FAM76A: variants seen among roughly 807,000 people sequenced by gnomAD.
FAM76A encodes the protein family with sequence similarity 76 member A, also known as protein FAM76A.
Under a neutral mutation model 46.2 loss-of-function variants are expected in FAM76A, and 32 were observed. That is an observed-to-expected ratio of 0.69 (90% CI 0.52 to 0.93). The LOEUF (loss-of-function observed/expected upper bound fraction) is 0.93, where lower values mean the gene tolerates loss of function less well. Ranked by LOEUF, FAM76A falls within the 40% of genes least tolerant of loss-of-function variation. The pLI is 0.00. For synonymous variants in FAM76A, 137 were observed against 127.0 expected (o/e 1.08, Z -0.53); for missense variants, 274 against 361.5 (o/e 0.76, Z 1.96).
intron 6 of FAM76A, among the ~76,000 whole-genome samples, chr1:27,750,350 G>A (rs1305234564): frequency 6.6e-6 from 1 of 152,118 alleles, no homozygotes; most frequent in African/African-American, 2.4e-5. Context: ...GCTTAATTTA[G>A]GTAGTCAGAT....
At chr1:27,739,102 G>A (rs2088106854) in intron 4 of FAM76A, 1 of 334,302 alleles carries the variant, frequency 3.0e-6, no homozygotes, top group Non-Finnish European at 5.8e-6. Context: ...ACAAGGAGGT[G>A]TGTGTGAAGC....
rs757174984 is a variant in FAM76A at position 27,755,285 on chromosome 1, G to A, written c.690G>A (p.Lys230=). Residue 230 remains lysine, a synonymous_variant, in exon 7 of 9, where the codon AAG becomes AAA. Transcript: ENST00000373954. ...AGGAAGAAGTGGCTACCCTGAAGAA[G>A]ATGTTGCATCAAAAGGATCAAATGA... ...QLKEEVATLK[K]MLHQKDQMIL... 2 of 1,614,060 alleles carry A rather than the reference G, an allele frequency of 1.2e-6. No homozygotes were observed. Among genetic ancestry groups the A allele is most frequent in the East Asian group, 4.5e-5 (2 of 44,902 alleles).
At chr1:27,726,943 G>T (rs571391360) in intron 1 of FAM76A, among the ~76,000 whole-genome samples, 4 of 152,298 alleles carry the variant, frequency 2.6e-5, no homozygotes, top group African/African-American at 9.6e-5. Flanking sequence ...CAATAATCCA[G>T]TTTGTGTCTC....
At chr1:27,741,067 G>A (rs2088143323) in intron 4 of FAM76A, among the ~76,000 whole-genome samples, 1 of 151,616 alleles carries the variant, frequency 6.6e-6, no homozygotes, top group Admixed American at 6.6e-5. Flanking sequence ...GGGAGGCGGA[G>A]GTTGCAGTGA....
chr1:27,726,886 C>T (rs1260924275), intron 1 of FAM76A, among the ~76,000 whole-genome samples: 2 of 152,098 alleles, frequency 1.3e-5, no homozygotes, highest in Admixed American at 6.6e-5. Flanking sequence ...TGTGAGGCAA[C>T]AGTTAAAAAG....
At chr1:27,730,886 G>A (rs1355846930) in intron 2 of FAM76A, among the ~76,000 whole-genome samples, 2 of 151,740 alleles carry the variant, frequency 1.3e-5, no homozygotes, top group East Asian at 3.9e-4. Flanking sequence ...CACAATTGTA[G>A]CCCACTGAAA....
chr1:27,742,780 G>GC (rs1293899729), intron 4 of FAM76A, among the ~76,000 whole-genome samples: 2 of 152,176 alleles, frequency 1.3e-5, no homozygotes, highest in Non-Finnish European at 2.9e-5. Context: ...ACACAACTGG[G>GC]CGAGGTGCAG....
chr1:27,737,878 A>C (rs1327735229), intron 4 of FAM76A, among the ~76,000 whole-genome samples: 18 of 147,044 alleles, frequency 1.2e-4, no homozygotes, highest in African/African-American at 3.0e-4. Context: ...CAAAAAAAAA[A>C]AAAAAAAAAA....
At chr1:27,746,650 C>T (rs2088245413) in intron 5 of FAM76A, among the ~76,000 whole-genome samples, 3 of 152,212 alleles carry the variant, frequency 2.0e-5, no homozygotes, top group Middle Eastern at 3.4e-3. Context: ...TCGCTTGAAC[C>T]CAGGAGGCGG....
intron 7 of FAM76A, among the ~76,000 whole-genome samples, chr1:27,758,329 C>A (rs145435774): frequency 3.2e-3 from 491 of 152,194 alleles, no homozygotes; most frequent in African/African-American, 0.01. Flanking sequence ...GGTGGAAATT[C>A]ATGGGAAGAG....
chr1:27,735,199 C>T (rs1228348839), intron 4 of FAM76A, among the ~76,000 whole-genome samples: 8 of 152,218 alleles, frequency 5.3e-5, no homozygotes, highest in African/African-American at 1.9e-4. Flanking sequence ...TAACTGGCTC[C>T]TCATGTCAGG....
intron 4 of FAM76A, chr1:27,740,518 C>A: frequency 7.2e-7 from 1 of 1,389,172 alleles, no homozygotes; most frequent in Non-Finnish European, 1.0e-6. Context: ...CAGGAGCTAA[C>A]ATGATTATGT....
chr1:27,752,514 C>T (rs755074228), intron 6 of FAM76A, among the ~76,000 whole-genome samples: 1 of 152,164 alleles, frequency 6.6e-6, no homozygotes, highest in Non-Finnish European at 1.5e-5. Flanking sequence ...AAAAAAGCAG[C>T]CACAACAGCT....
chr1:27,740,466 A>G (rs573836186), intron 4 of FAM76A: 2 of 1,468,522 alleles, frequency 1.4e-6, no homozygotes, highest in African/African-American at 2.8e-5. Flanking sequence ...TAAGAGGTCG[A>G]TGGTGGAGTA....
chr1:27,754,717 ACTG>A, intron 6 of FAM76A, among the ~76,000 whole-genome samples: 1 of 152,306 alleles, frequency 6.6e-6, no homozygotes, highest in Non-Finnish European at 1.5e-5. Flanking sequence ...AGATACACTG[ACTG>A]CATTGCGGTG....
intron 5 of FAM76A, among the ~76,000 whole-genome samples, chr1:27,746,262 C>T (rs1358502045): frequency 6.6e-6 from 1 of 152,070 alleles, no homozygotes. Context: ...AAGGATAATT[C>T]CCGGGTTTCT....
chr1:27,749,851 GGA>G (rs2088303731), intron 6 of FAM76A, among the ~76,000 whole-genome samples: 1 of 152,226 alleles, frequency 6.6e-6, no homozygotes. Flanking sequence ...TTCTGGATCA[GGA>G]GAGAATGAGA....
intron 4 of FAM76A, among the ~76,000 whole-genome samples, chr1:27,743,143 T>A (rs2088182893): frequency 6.6e-6 from 1 of 152,182 alleles, no homozygotes; most frequent in African/African-American, 2.4e-5. Context: ...TATACATTTT[T>A]AAAAAATATC....
chr1:27,729,932 C>G (rs1161244512), intron 2 of FAM76A, among the ~76,000 whole-genome samples: 1 of 152,184 alleles, frequency 6.6e-6, no homozygotes, highest in African/African-American at 2.4e-5. Context: ...CACACCCTTG[C>G]TTCCTCCAGG....
Sources: allele counts gnomAD v4.1 joint callset (sites outside exome capture counted in the v4.1 genomes callset), GRCh38; gene constraint gnomAD v4.1.1; transcripts MANE v1.5; gene names NCBI Gene and HGNC (gene_info 2026-07-23, HGNC 2026-07-21).